The following NXPH1 variants were observed in gnomAD, a reference collection of about 807,000 sequenced individuals.
The protein encoded by NXPH1 is neurexophilin-1.
In NXPH1, 5 loss-of-function variants were observed where a neutral mutation model predicts 23.7. The ratio of observed to expected loss-of-function variants is 0.21; its 90% CI spans 0.11 to 0.44. The LOEUF (loss-of-function observed/expected upper bound fraction) is 0.44, where lower values mean the gene tolerates loss of function less well. NXPH1 is among the 20% of genes least tolerant of loss of function. The pLI, the probability that NXPH1 is intolerant of heterozygous loss-of-function variation, is 0.99. For missense variants in NXPH1, 324 were observed against 321.6 expected, an observed-to-expected ratio of 1.01 and a Z score of -0.06; for synonymous variants, 144 against 122.2, an observed-to-expected ratio of 1.18 and a Z score of -1.18.
At chr7:8,747,520 C>G (rs955946453) in intron 2 of NXPH1, among the ~76,000 whole-genome samples, 3 of 152,196 alleles carry the variant, frequency 2.0e-5, no homozygotes, top group South Asian at 2.1e-4. Context: ...GAAAGCATCT[C>G]AATACAGCCC....
chr7:8,519,628 A>G (rs1236276198), intron 2 of NXPH1, among the ~76,000 whole-genome samples: 1 of 152,142 alleles, frequency 6.6e-6, no homozygotes, highest in Admixed American at 6.6e-5. Flanking sequence ...TAAATTGCAA[A>G]ACAGCATTCA....
At chr7:8,728,474 T>G (rs553306764) in intron 2 of NXPH1, among the ~76,000 whole-genome samples, 1 of 152,332 alleles carries the variant, frequency 6.6e-6, no homozygotes, top group South Asian at 2.1e-4. Flanking sequence ...TGGCTGTGGG[T>G]TTGTCATAGA....
chr7:8,636,379 C>T (rs534083220), intron 2 of NXPH1, among the ~76,000 whole-genome samples: 33 of 152,292 alleles, frequency 2.2e-4, no homozygotes, highest in African/African-American at 7.7e-4. Flanking sequence ...CAAAAGTGTT[C>T]ATCAGTCAGC....
At chr7:8,626,377 C>A (rs1819989023) in intron 2 of NXPH1, among the ~76,000 whole-genome samples, 2 of 150,754 alleles carry the variant, frequency 1.3e-5, no homozygotes, top group Admixed American at 1.3e-4. Flanking sequence ...CATTGTCATG[C>A]AGTTTACTTT....
At chr7:8,500,599 G>A (rs1204609956) in intron 2 of NXPH1, among the ~76,000 whole-genome samples, 2 of 152,048 alleles carry the variant, frequency 1.3e-5, no homozygotes, top group Non-Finnish European at 2.9e-5. Flanking sequence ...AGACTCTTTT[G>A]TGAAGGGCAC....
intron 2 of NXPH1, among the ~76,000 whole-genome samples, chr7:8,505,970 G>C (rs1817515718): frequency 6.6e-6 from 1 of 152,042 alleles, no homozygotes; most frequent in Non-Finnish European, 1.5e-5. Flanking sequence ...ATATGGTTCT[G>C]ATGTATGTGA....
At chr7:8,555,701 G>A (rs750943859) in intron 2 of NXPH1, among the ~76,000 whole-genome samples, 1 of 151,648 alleles carries the variant, frequency 6.6e-6, no homozygotes, top group Non-Finnish European at 1.5e-5. Flanking sequence ...TAGAATTTAG[G>A]CAGTTTCCTT....
intron 2 of NXPH1, among the ~76,000 whole-genome samples, chr7:8,555,356 G>A (rs912831745): frequency 3.0e-4 from 46 of 151,624 alleles, no homozygotes; most frequent in African/African-American, 1.0e-3. Context: ...TAAGGAATCT[G>A]CTTAGACACC....
At chr7:8,548,702 C>G (rs915151107) in intron 2 of NXPH1, among the ~76,000 whole-genome samples, 3 of 151,528 alleles carry the variant, frequency 2.0e-5, no homozygotes, top group Non-Finnish European at 4.4e-5. Flanking sequence ...CACAGCTTTG[C>G]TGCTTACTAT....
At chr7:8,477,421 C>A (rs1184119358) in intron 2 of NXPH1, among the ~76,000 whole-genome samples, 1 of 151,966 alleles carries the variant, frequency 6.6e-6, no homozygotes, top group African/African-American at 2.4e-5. Context: ...AGTTGTTAAT[C>A]CAGCTAATAA....
intron 2 of NXPH1, among the ~76,000 whole-genome samples, chr7:8,476,706 TAA>T (rs139818858): frequency 6.6e-6 from 1 of 151,554 alleles, no homozygotes; most frequent in Non-Finnish European, 1.5e-5. Flanking sequence ...TTAATAAAGA[TAA>T]AAAAAATAAA....
At chr7:8,586,945 A>C (rs996802283) in intron 2 of NXPH1, among the ~76,000 whole-genome samples, 1 of 152,180 alleles carries the variant, frequency 6.6e-6, no homozygotes, top group African/African-American at 2.4e-5. Context: ...TAAATATTCC[A>C]GGCAATTCTC....
intron 2 of NXPH1, among the ~76,000 whole-genome samples, chr7:8,576,462 G>GAA: frequency 6.6e-6 from 1 of 152,264 alleles, no homozygotes; most frequent in South Asian, 2.1e-4. Flanking sequence ...GAAGCGCAAG[G>GAA]AAACCTTTCT....
chr7:8,478,473 G>T lies in NXPH1; in HGVS notation c.54+42706G>T, dbSNP rs138111939. On this transcript the variant is annotated intron_variant, in intron 2 of 2. Transcript: ENST00000405863. ...CCTTAAAAGAAATATAAAGTAAAAT[G>T]GACAAATTTTAAGATCAAAAAGAAA... 2.5e-4 allele frequency among the ~76,000 whole-genome samples: 38 copies of T among 151,916 alleles called. No homozygotes were observed. In the East Asian group the frequency reaches 7.4e-3, roughly 29 times the overall value.
intron 2 of NXPH1, among the ~76,000 whole-genome samples, chr7:8,675,817 TC>T (rs1218112133): frequency 6.6e-6 from 1 of 152,172 alleles, no homozygotes; most frequent in Non-Finnish European, 1.5e-5. Flanking sequence ...TGGGTCTCTT[TC>T]TTGTGTTTTA....
At chr7:8,497,450 A>G (rs1280206134) in intron 2 of NXPH1, among the ~76,000 whole-genome samples, 3 of 152,164 alleles carry the variant, frequency 2.0e-5, no homozygotes, top group Non-Finnish European at 2.9e-5. Context: ...GTCTTCCACA[A>G]TGGTTGAACT....
At chr7:8,613,828 C>T (rs1445843429) in intron 2 of NXPH1, among the ~76,000 whole-genome samples, 1 of 151,504 alleles carries the variant, frequency 6.6e-6, no homozygotes, top group Non-Finnish European at 1.5e-5. Context: ...TATATCTTGG[C>T]CATCTTTTTT....
chr7:8,724,985 G>T (rs1049578951), intron 2 of NXPH1, among the ~76,000 whole-genome samples: 1 of 152,228 alleles, frequency 6.6e-6, no homozygotes, highest in African/African-American at 2.4e-5. Flanking sequence ...TCCAAATCTG[G>T]CAGTAACTGG....
intron 2 of NXPH1, among the ~76,000 whole-genome samples, chr7:8,501,317 C>T (rs1048960093): frequency 1.3e-5 from 2 of 151,914 alleles, no homozygotes; most frequent in African/African-American, 2.4e-5. Flanking sequence ...ATAATCAGTT[C>T]CTGGAAGCTT....
Sources: allele counts gnomAD v4.1 joint callset (sites outside exome capture counted in the v4.1 genomes callset), GRCh38; gene constraint gnomAD v4.1.1; transcripts MANE v1.5; gene names NCBI Gene and HGNC (gene_info 2026-07-23, HGNC 2026-07-21).